DNMBP: variants seen among roughly 807,000 people sequenced by gnomAD.
DNMBP encodes the protein dynamin binding protein.
Under a neutral mutation model 150.0 loss-of-function variants are expected in DNMBP, and 87 were observed. The ratio of observed to expected loss-of-function variants is 0.58; its 90% confidence interval spans 0.49 to 0.69. The LOEUF is 0.69. Among genes scored for constraint, DNMBP ranks in the 30% least tolerant of loss-of-function variants. The pLI, the probability that DNMBP is intolerant of heterozygous loss-of-function variation, is 0.00. For missense variants in DNMBP, 1,774 were observed against 1,949.0 expected, an observed-to-expected ratio of 0.91 and a Z score of 1.69; for synonymous variants, 711 against 750.4, an observed-to-expected ratio of 0.95 and a Z score of 0.86.
At chr10:99,922,476 A>G (rs1160551662) in intron 4 of DNMBP, among the ~76,000 whole-genome samples, 2 of 151,114 alleles carry the variant, frequency 1.3e-5, no homozygotes, top group East Asian at 3.9e-4. Flanking sequence ...TGGCTTGGGA[A>G]GAAAACACAT....
chr10:100,005,346 T>C (rs1324956397), intron 1 of DNMBP, among the ~76,000 whole-genome samples: 1 of 152,154 alleles, frequency 6.6e-6, no homozygotes, highest in Non-Finnish European at 1.5e-5. Context: ...GAGTAACCAC[T>C]CACTACACAG....
chr10:99,963,991 C>A (rs2040590290), intron 3 of DNMBP, among the ~76,000 whole-genome samples: 1 of 151,960 alleles, frequency 6.6e-6, no homozygotes, highest in Non-Finnish European at 1.5e-5. Flanking sequence ...TTTTTATTGG[C>A]CTGTTGTTTG....
Position 99,888,873 on chromosome 10 carries a change from C to T in DNMBP, c.3237G>A (p.Gln1079=), listed in dbSNP as rs763332842. 4 of 1,614,056 alleles carry T rather than the reference C, an allele frequency of 2.5e-6. No homozygotes were observed. In the South Asian group the frequency reaches 3.3e-5, roughly 13 times the overall value. ...CMERGHRDLE[Q]FERVHRYISD... ...TGATGTAGCGATGCACCCTCTCAAA[C>T]TGCTCCAGGTCCCGGTGTCCTCTCT... Residue 1079 remains glutamine (Q), a synonymous_variant, in exon 12 of 17, where the codon CAG becomes CAA. Transcript: ENST00000324109.
At chr10:99,952,710 C>T (rs1589435646) in intron 4 of DNMBP, among the ~76,000 whole-genome samples, 1 of 152,332 alleles carries the variant, frequency 6.6e-6, no homozygotes, top group African/African-American at 2.4e-5. Context: ...AGAGGTTTCC[C>T]TCTCTTTCTG....
intron 4 of DNMBP, among the ~76,000 whole-genome samples, chr10:99,927,496 G>A (rs1022347612): frequency 3.3e-5 from 5 of 152,228 alleles, no homozygotes; most frequent in Admixed American, 3.3e-4. Context: ...TCAAGTTAAG[G>A]CCATTTAGTA....
At chr10:99,940,860 C>T (rs946160519) in intron 4 of DNMBP, among the ~76,000 whole-genome samples, 2 of 152,110 alleles carry the variant, frequency 1.3e-5, no homozygotes, top group African/African-American at 4.8e-5. Flanking sequence ...CTTACTTGGC[C>T]TCTCGGCAGC....
chr10:99,893,936 A>G (rs1401345130), intron 11 of DNMBP, among the ~76,000 whole-genome samples: 1 of 152,172 alleles, frequency 6.6e-6, no homozygotes, highest in African/African-American at 2.4e-5. Context: ...GGTACCTTTA[A>G]ATTTTATACC....
rs2040505510 is a variant in DNMBP, at chr10:99,956,981, C to G, written c.493G>C (p.Asp165His). ...GTGATCACATCCCCTTCCCTGAAGT[C>G]CAGCTCTTCATCCAGCTGAGCAGAA... ...GLSAQLDEEL[D>H]FREGDVITII... Residue 165 changes from aspartate (D) to histidine (H), a missense_variant, in exon 4 of 17, where the codon GAC becomes CAC. Asp to His is a moderately conservative substitution (Grantham distance 81). Around this residue, in one of 2 missense-constraint regions of DNMBP, gnomAD observed 344 missense variants for 456.6 expected, o/e 0.75. Coordinates refer to ENST00000324109, the MANE Select transcript of DNMBP (RefSeq NM_015221.4). 1 of 1,614,242 alleles carries G rather than the reference C, an allele frequency of 6.2e-7. No homozygotes were observed. Among genetic ancestry groups the G allele is most frequent in the African/African-American group, 1.3e-5 (1 of 75,060 alleles).
intron 4 of DNMBP, chr10:99,930,113 C>T (rs1362459189): frequency 1.4e-6 from 1 of 702,816 alleles, no homozygotes; most frequent in Admixed American, 2.0e-5. Context: ...CTGAAAAGCT[C>T]ACAGGCTGAC....
chr10:99,882,839 A>AT (rs1479592906), intron 15 of DNMBP, among the ~76,000 whole-genome samples: 1 of 151,962 alleles, frequency 6.6e-6, no homozygotes, highest in African/African-American at 2.4e-5. Flanking sequence ...TCAAGGCGGG[A>AT]TGGAACACCT....
intron 4 of DNMBP, among the ~76,000 whole-genome samples, chr10:99,911,695 TA>T (rs1303926750): frequency 1.3e-5 from 2 of 152,306 alleles, no homozygotes; most frequent in Admixed American, 1.3e-4. Flanking sequence ...CAATTTTCTG[TA>T]TATTTGGTAT....
chr10:99,978,478 A>G (rs1301116856), intron 1 of DNMBP, among the ~76,000 whole-genome samples: 1 of 152,230 alleles, frequency 6.6e-6, no homozygotes. Context: ...TCAAATATAT[A>G]TATTTTTTAT....
chr10:99,926,128 C>G (rs2040075488), intron 4 of DNMBP, among the ~76,000 whole-genome samples: 1 of 152,140 alleles, frequency 6.6e-6, no homozygotes, highest in South Asian at 2.1e-4. Context: ...TTTGAAACAC[C>G]AGGTCCCCTT....
At chr10:99,917,394 G>A (rs1361264535) in intron 4 of DNMBP, among the ~76,000 whole-genome samples, 1 of 152,066 alleles carries the variant, frequency 6.6e-6, no homozygotes, top group African/African-American at 2.4e-5. Flanking sequence ...TTGTTAAAAA[G>A]GGAAAAATAT....
At chr10:99,997,721 T>C (rs1589454338) in intron 1 of DNMBP, among the ~76,000 whole-genome samples, 1 of 151,136 alleles carries the variant, frequency 6.6e-6, no homozygotes, top group Admixed American at 6.6e-5. Flanking sequence ...CTGAGGCAGA[T>C]GGATCACTTG....
intron 4 of DNMBP, among the ~76,000 whole-genome samples, chr10:99,943,301 A>C (rs1055841901): frequency 2.2e-4 from 33 of 152,048 alleles, no homozygotes; most frequent in Admixed American, 4.6e-4. Flanking sequence ...AAACCAACAA[A>C]AAAAAAAAAC....
At chr10:99,989,396 C>T (rs760915615) in intron 1 of DNMBP, among the ~76,000 whole-genome samples, 1 of 152,088 alleles carries the variant, frequency 6.6e-6, no homozygotes, top group Non-Finnish European at 1.5e-5. Flanking sequence ...TTAGCCTGGG[C>T]CCCAGAATGA....
intron 4 of DNMBP, among the ~76,000 whole-genome samples, chr10:99,931,467 C>T (rs2040157470): frequency 6.6e-6 from 1 of 152,184 alleles, no homozygotes; most frequent in Non-Finnish European, 1.5e-5. Flanking sequence ...AAAAGTACTT[C>T]CTTTTACTTT....
chr10:99,991,568 T>C (rs367941627), intron 1 of DNMBP, among the ~76,000 whole-genome samples: 17 of 151,808 alleles, frequency 1.1e-4, no homozygotes, highest in East Asian at 1.0e-3. Context: ...TTTCAAGGTC[T>C]TCATATCATT....
Sources: gnomAD v4.1 joint callset for allele counts (sites outside exome capture counted in the v4.1 genomes callset) on GRCh38, gnomAD v4.1.1 for gene constraint, gnomAD v4.1.1 regional missense constraint, MANE v1.5 for transcripts, NCBI Gene and HGNC (gene_info 2026-07-23, HGNC 2026-07-21) for gene names.